The following PACSIN3 variants were observed in gnomAD, a reference collection of about 807,000 sequenced individuals.
The protein encoded by PACSIN3 is protein kinase C and casein kinase substrate in neurons 3.
A neutral mutation model predicts 56.1 loss-of-function variants in PACSIN3; 34 were observed. The observed-to-expected ratio is 0.61, with a 90% CI of 0.46 to 0.81. PACSIN3 has a LOEUF of 0.81. Among genes scored for constraint, PACSIN3 ranks in the 30% least tolerant of loss-of-function variants. The probability of loss-of-function intolerance (pLI) is 0.00; values close to 1 mark genes in which losing one functional copy is unlikely to be tolerated. For missense variants in PACSIN3, 535 were observed against 592.4 expected (o/e 0.90, Z 1.01); for synonymous variants, 218 against 229.8 (o/e 0.95, Z 0.46).
rs1306305144 is a variant in PACSIN3 at position 47,182,738 on chromosome 11, C to A, written c.-11G>T. 4 of 1,609,974 alleles carry A rather than the reference C, an allele frequency of 2.5e-6. No individual in the cohort carries two copies. The Admixed American group carries it at 5.1e-5, about 20-fold the overall frequency. On this transcript the variant is annotated 5_prime_UTR_variant, in exon 3 of 11. Transcript: ENST00000298838. ...CTCTTCTGGAGCCATGGTGTCCCCG[C>A]AGCACGGAATGGTGGCGGATTTGGG...
In PACSIN3 at chr11:47,178,471, C is replaced by G; in HGVS notation, c.1054G>C (p.Glu352Gln). The G allele has an allele frequency of 6.2e-7, 1 of 1,613,796 alleles. No individual in the cohort carries two copies. Among genetic ancestry groups the G allele is most frequent in the Non-Finnish European group, 8.5e-7 (1 of 1,179,984 alleles). The change falls in exon 10 of 11, where the codon GAG (glutamate) becomes CAG (glutamine). Residue 352 changes from glutamate (E) to glutamine (Q), a missense_variant. Transcript: ENST00000298838. The surrounding 1 kb of genome is among the most constrained non-coding windows in gnomAD (Gnocchi z 4.2). Reference sequence around the variant, plus strand: ...CGGGGACTCTCTTCATCTGACCACTCCTCATCCTGCCCCGTGCTGGAGAGG... The same window carrying G: ...CGGGGACTCTCTTCATCTGACCACTGCTCATCCTGCCCCGTGCTGGAGAGG... ...PGSPGTGQDE[E>Q]WSDEESPRKA...
rs1254667379 is a variant in PACSIN3 at position 47,178,377 on chromosome 11, C to G, written c.1148G>C (p.Ser383Thr). 15 of 1,614,022 alleles carry G rather than the reference C, an allele frequency of 9.3e-6. No homozygotes were observed. Among genetic ancestry groups the G allele is most frequent in the African/African-American group, 1.3e-5 (1 of 75,060 alleles). ...DYAGQEADEL[S>T]FRAGEELLKM... ...GGGTCCCAGGGTACCTGCTCGGAAGCTCAGCTCATCAGCTTCCTGGCCAGC... is the reference window on the plus strand; with the variant it reads ...GGGTCCCAGGGTACCTGCTCGGAAGGTCAGCTCATCAGCTTCCTGGCCAGC... Residue 383 changes from serine (S) to threonine (T), a missense_variant, in exon 10 of 11, where the codon AGC (serine) becomes ACC (threonine). Ser to Thr is a moderately conservative substitution (Grantham distance 58). Coordinates refer to ENST00000298838, the MANE Select transcript of PACSIN3 (RefSeq NM_016223.5). The surrounding 1 kb of genome is among the most constrained non-coding windows in gnomAD (Gnocchi z 4.2).
At chr11:47,183,891 G>A (rs547137738) in intron 1 of PACSIN3, among the ~76,000 whole-genome samples, 4 of 152,200 alleles carry the variant, frequency 2.6e-5, no homozygotes, top group East Asian at 1.9e-4. Context: ...GCGTGGTGGC[G>A]GGAACCTGTA....
In PACSIN3 at chr11:47,182,986, C is replaced by T; in HGVS notation, c.-38+18G>A. Reference sequence around the variant, plus strand: ...TCCTCTCACTGCTCTGCACTTCCCCCCCCGCCCCCCCACATACCTGGGGCC... The same window carrying T: ...TCCTCTCACTGCTCTGCACTTCCCCTCCCGCCCCCCCACATACCTGGGGCC... On this transcript the variant is annotated intron_variant, in intron 2 of 10. Transcript: ENST00000298838. 1 of 428,396 alleles carries T rather than the reference C, an allele frequency of 2.3e-6. No homozygotes were observed. The allele number at this position is 428,396 out of a possible 1,614,324, so 26.5% of individuals were successfully genotyped here. A position where few individuals can be genotyped will look rare whatever the true frequency, so the allele number is the denominator to read the frequency against.
Position 47,179,989 on chromosome 11 carries a change from T to C in PACSIN3, c.603+197A>G, listed in dbSNP as rs1402317790. Among the ~76,000 whole-genome samples, 2 of 152,232 alleles carry C rather than the reference T, an allele frequency of 1.3e-5. No homozygotes were observed. Among genetic ancestry groups the C allele is most frequent in the East Asian group, 3.8e-4 (2 of 5,204 alleles). ...CAACTGCTGAAGTCATCCCAGTGCC[T>C]GAAACTCCATTTCTTTCCCTAGTAA... On this transcript the variant is annotated intron_variant, in intron 6 of 10. Coordinates refer to ENST00000298838, the MANE Select transcript of PACSIN3 (RefSeq NM_016223.5). This position sits in a 1 kb window ranked among gnomAD's most constrained non-coding sequence, Gnocchi z 4.4.
At position 47,180,346 on chromosome 11, in the gene PACSIN3, C is replaced by T. The variant is rs1355714636; in HGVS notation, c.448-5G>A. 1.9e-6 allele frequency: 3 copies of T among 1,601,536 alleles called. No individual in the cohort carries two copies. Among genetic ancestry groups the T allele is most frequent in the African/African-American group, 2.7e-5 (2 of 74,928 alleles). ...GCTTTTCTTGGAAGCCTCAACCTGG[C>T]ATGCATGGAGACCACTCTGGACCCT... On this transcript the variant is annotated splice_polypyrimidine_tract_variant and splice_region_variant and intron_variant, in intron 5 of 10. Coordinates refer to ENST00000298838, the MANE Select transcript of PACSIN3 (RefSeq NM_016223.5).
Position 47,179,312 on chromosome 11 carries a change from A to G in PACSIN3, c.780-33T>C. On this transcript the variant is annotated intron_variant, in intron 7 of 10. Coordinates refer to ENST00000298838, the MANE Select transcript of PACSIN3 (RefSeq NM_016223.5). This position sits in a 1 kb window ranked among gnomAD's most constrained non-coding sequence, Gnocchi z 4.4. Reference sequence around the variant, plus strand: ...CCAAGGCACACCCCTCAGTCTAGGAAGTCTAGACCCTGCATCCCTCAGTCC... The same window carrying G: ...CCAAGGCACACCCCTCAGTCTAGGAGGTCTAGACCCTGCATCCCTCAGTCC... 6.2e-7 allele frequency: 1 copy of G among 1,613,966 alleles called. No homozygotes were observed.
At position 47,179,434 on chromosome 11, in the gene PACSIN3, G is replaced by A. The variant is rs1952971049; in HGVS notation, c.756C>T (p.His252=). 1 of 1,614,104 alleles carries A rather than the reference G, an allele frequency of 6.2e-7. No homozygotes were observed. The highest frequency in any genetic ancestry group is 1.1e-5 in the South Asian group (1 of 91,086). Reference sequence around the variant, plus strand: ...ACTTCTCACTGCTGGAAAGGTCCAGGTGCTGGTGTAAGGTGAGCAGCATAT... The same window carrying A: ...ACTTCTCACTGCTGGAAAGGTCCAGATGCTGGTGTAAGGTGAGCAGCATAT... ...FKDMLLTLHQ[H]LDLSSSEKFH... Residue 252 remains histidine (H), a synonymous_variant, in exon 7 of 11, where the codon CAC becomes CAT. Coordinates refer to ENST00000298838, the MANE Select transcript of PACSIN3 (RefSeq NM_016223.5). The surrounding 1 kb of genome is among the most constrained non-coding windows in gnomAD (Gnocchi z 4.4).
Position 47,180,567 on chromosome 11 carries a change from G to T in PACSIN3, c.335C>A (p.Ala112Asp). The T allele has an allele frequency of 6.2e-7, 1 of 1,603,908 alleles. No individual in the cohort carries two copies. Residue 112 changes from alanine to aspartate, a missense_variant, in exon 5 of 11, where the codon GCC becomes GAC. Ala to Asp is a moderately radical substitution (Grantham distance 126, BLOSUM62 -2). Transcript: ENST00000298838. ...LQGQDSERVR[A>D]WQRGAFHRPV... ...CCGGTGGAAAGCCCCCCGCTGCCAG[G>T]CGCGCACCCGCTCACTGTCCTGCCC...
At chr11:47,182,790 G>A in intron 2 of PACSIN3, 26 bp from the exon 3 acceptor site, 1 of 1,529,114 alleles carries the variant, frequency 6.5e-7, no homozygotes, top group Non-Finnish European at 8.9e-7. Flanking sequence ...GGGTAAGCAG[G>A]AAAGCTGGAC....
chr11:47,178,238 C>T lies in PACSIN3; in HGVS notation c.1159+128G>A. 1 of 1,353,172 alleles carries T rather than the reference C, an allele frequency of 7.4e-7. No homozygotes were observed. Among genetic ancestry groups the T allele is most frequent in the Non-Finnish European group, 1.0e-6 (1 of 972,050 alleles). The allele number at this position is 1,353,172 out of a possible 1,614,324, so 83.8% of individuals were successfully genotyped here. A position where few individuals can be genotyped will look rare whatever the true frequency, so the allele number is the denominator to read the frequency against. ...AATGCAGCCACCAGGCACCAGCTAT[C>T]TGGACCTGGAACAGCTGAAGGGACA... On this transcript the variant is annotated intron_variant, in intron 10 of 10. Coordinates refer to ENST00000298838, the MANE Select transcript of PACSIN3 (RefSeq NM_016223.5). The surrounding 1 kb of genome is among the most constrained non-coding windows in gnomAD (Gnocchi z 4.2).
At position 47,186,257 on chromosome 11, in the gene PACSIN3, A is replaced by G. The variant is rs1036260755; in HGVS notation, c.-104+92T>C. Reference sequence around the variant, plus strand: ...GGCTCCCTGGGCGGGAGTCGGCTCCATTGCAAACTTCAGAAGCCGGAGCAG... The same window carrying G: ...GGCTCCCTGGGCGGGAGTCGGCTCCGTTGCAAACTTCAGAAGCCGGAGCAG... On this transcript the variant is annotated intron_variant, in intron 1 of 10. Transcript: ENST00000298838. The surrounding 1 kb of genome is among the most constrained non-coding windows in gnomAD (Gnocchi z 4.5). The G allele has an allele frequency of 9.2e-5, 14 of 151,516 alleles. No individual in the cohort carries two copies. The highest frequency in any genetic ancestry group is 2.9e-5 in the Non-Finnish European group (2 of 67,864). 9.4% of individuals were successfully genotyped at this position (151,516 alleles called of 1,614,324 possible). A position where few individuals can be genotyped will look rare whatever the true frequency, so the allele number is the denominator to read the frequency against.
intron 1 of PACSIN3, chr11:47,185,590 G>C (rs1953105765): frequency 6.4e-6 from 1 of 155,044 alleles, no homozygotes; most frequent in South Asian, 2.0e-4. Flanking sequence ...CAAAGCGGGA[G>C]GAGGCAGGGC....
intron 1 of PACSIN3, among the ~76,000 whole-genome samples, chr11:47,183,965 C>A (rs930221327): frequency 1.3e-5 from 2 of 150,890 alleles, no homozygotes; most frequent in Admixed American, 1.3e-4. Context: ...GAGGAGGTTG[C>A]GGTGAGCAGA....
At position 47,180,170 on chromosome 11, in the gene PACSIN3, G is replaced by A. The variant is rs755175253; in HGVS notation, c.603+16C>T. 21 of 1,599,472 alleles carry A rather than the reference G, an allele frequency of 1.3e-5. No homozygotes were observed. Among genetic ancestry groups the A allele is most frequent in the East Asian group, 2.2e-5 (1 of 44,832 alleles). ...TGCCCTGGGCGGGGGCCAGGGCTGGGACCTGTGGCCTGTACCTTCTCGGCC... is the reference window on the plus strand; with the variant it reads ...TGCCCTGGGCGGGGGCCAGGGCTGGAACCTGTGGCCTGTACCTTCTCGGCC... On this transcript the variant is annotated intron_variant, in intron 6 of 10. Transcript: ENST00000298838.
intron 2 of PACSIN3, 114 bp downstream of exon 2, chr11:47,182,890 G>C: frequency 3.1e-6 from 2 of 648,092 alleles, no homozygotes; most frequent in Non-Finnish European, 5.1e-6. Flanking sequence ...ATCAGAGCTA[G>C]GACTTAGCAG....
At chr11:47,183,724 A>G (rs572390282) in intron 1 of PACSIN3, among the ~76,000 whole-genome samples, 3 of 152,284 alleles carry the variant, frequency 2.0e-5, no homozygotes, top group African/African-American at 4.8e-5. Flanking sequence ...ATGGCCAACT[A>G]TAAGAATGTC....
At chr11:47,181,523 G>A (rs1357411680) in intron 4 of PACSIN3, among the ~76,000 whole-genome samples, 1 of 151,762 alleles carries the variant, frequency 6.6e-6, no homozygotes, top group Non-Finnish European at 1.5e-5. Flanking sequence ...CAGGTGCGGT[G>A]GCTCATGCCT....
rs201103192 is a variant in PACSIN3, at chr11:47,178,978, C to G, written c.953G>C (p.Arg318Pro). ...GGTCAGGGTAACCTCATCAGGGCTC[C>G]GGCCACCCTTCTCTTTCCGGCTGAT... is the stretch of plus-strand genomic sequence containing the variant. ...RTISRKEKGG[R>P]SPDEVTLTSI... The change falls in exon 9 of 11, where the codon CGG becomes CCG. Residue 318 changes from arginine to proline, a missense_variant. Physicochemically the swap from Arg to Pro is moderately radical, Grantham distance 103. Coordinates refer to ENST00000298838, the MANE Select transcript of PACSIN3 (RefSeq NM_016223.5). The surrounding 1 kb of genome is among the most constrained non-coding windows in gnomAD (Gnocchi z 4.2). 1.2e-6 allele frequency: 2 copies of G among 1,614,062 alleles called. No individual in the cohort carries two copies. The highest frequency in any genetic ancestry group is 1.7e-6 in the Non-Finnish European group (2 of 1,179,994).
Sources: allele counts gnomAD v4.1 joint callset (sites outside exome capture counted in the v4.1 genomes callset), GRCh38; gene constraint gnomAD v4.1.1; non-coding constraint Gnocchi (gnomAD v3.1); transcripts MANE v1.5; gene names NCBI Gene and HGNC (gene_info 2026-07-23, HGNC 2026-07-21).